Variants in RABGAP1 observed in about 807,000 individuals in gnomAD.
RABGAP1 encodes the protein rab GTPase-activating protein 1.
RABGAP1 carries 23 observed loss-of-function variants against 137.6 expected under a neutral mutation model. The observed-to-expected ratio is 0.17, with a 90% confidence interval of 0.12 to 0.24. The LOEUF (loss-of-function observed/expected upper bound fraction) is 0.24, where lower values mean the gene tolerates loss of function less well. Ranked by LOEUF, RABGAP1 falls within the 10% of genes least tolerant of loss-of-function variation. The pLI is 1.00. For synonymous variants in RABGAP1, 451 were observed against 450.7 expected, an observed-to-expected ratio of 1.00 and a Z score of -0.01; for missense variants, 906 against 1,275.8, an observed-to-expected ratio of 0.71 and a Z score of 4.42.
At chr9:122,945,146 G>GGTTTTTTTTTTTTTTTTT (rs1564348056) in intron 1 of RABGAP1, among the ~76,000 whole-genome samples, 2 of 9,182 alleles carry the variant, frequency 2.2e-4, no homozygotes, top group Non-Finnish European at 1.3e-3. Context: ...CATAGCTGTT[G>GGTTTTTTTTTTTTTTTTT]CTTTTTTTTT....
chr9:122,946,342 C>G (rs1225888375), intron 1 of RABGAP1, among the ~76,000 whole-genome samples: 2 of 152,044 alleles, frequency 1.3e-5, no homozygotes, highest in African/African-American at 4.8e-5. Context: ...CATTTTAGAT[C>G]TGAATGTAAA....
chr9:123,034,483 A>C (rs1247821906), intron 13 of RABGAP1: 17 of 819,574 alleles, frequency 2.1e-5, no homozygotes, highest in African/African-American at 3.4e-5. Context: ...TGCAAAGCTG[A>C]CCGCAATGAC....
At chr9:122,982,002 T>C (rs937892132) in intron 2 of RABGAP1, among the ~76,000 whole-genome samples, 1 of 151,852 alleles carries the variant, frequency 6.6e-6, no homozygotes, top group Non-Finnish European at 1.5e-5. Flanking sequence ...TAAGCCGAGA[T>C]TGTGTTGCTG....
intron 2 of RABGAP1, among the ~76,000 whole-genome samples, chr9:122,961,030 A>G (rs745929213): frequency 3.3e-5 from 5 of 152,180 alleles, no homozygotes; most frequent in Non-Finnish European, 7.3e-5. Context: ...AATATGGGAA[A>G]CTATTAAGTG....
chr9:123,026,405 A>G (rs755112720), intron 13 of RABGAP1, among the ~76,000 whole-genome samples: 1 of 152,164 alleles, frequency 6.6e-6, no homozygotes, highest in Non-Finnish European at 1.5e-5. Context: ...GAATTTTATC[A>G]GCTTTTTCAG....
intron 2 of RABGAP1, among the ~76,000 whole-genome samples, chr9:122,981,921 C>T (rs562977340): frequency 9.9e-5 from 15 of 152,084 alleles, no homozygotes; most frequent in Middle Eastern, 3.4e-3. Context: ...TGTTGGCACG[C>T]GCCTGTGATC....
chr9:122,958,674 T>G (rs1038355561), intron 2 of RABGAP1, among the ~76,000 whole-genome samples: 1 of 152,096 alleles, frequency 6.6e-6, no homozygotes, highest in African/African-American at 2.4e-5. Flanking sequence ...ACATGTACCC[T>G]AGAACCTAAA....
At chr9:123,035,060 T>C (rs962940061) in intron 13 of RABGAP1, 1 of 1,614,140 alleles carries the variant, frequency 6.2e-7, no homozygotes, top group Non-Finnish European at 8.5e-7. Flanking sequence ...CTGCCTTCCT[T>C]TTTCCACTGG....
At chr9:123,035,777 T>C in intron 13 of RABGAP1, 1 of 530,186 alleles carries the variant, frequency 1.9e-6, no homozygotes, top group Non-Finnish European at 3.3e-6. Flanking sequence ...TATGGATACC[T>C]TCTAAGTTTG....
At chr9:122,934,666 C>T in the RABGAP1 span, among the ~76,000 whole-genome samples, 1,224 of 77,376 alleles carry the variant, frequency 0.016, 9 homozygotes, top group Non-Finnish European at 0.024. Context: ...CCACACTTGA[C>T]GCCTTTATTT....
At chr9:123,054,762 T>C (rs1295101428) in intron 13 of RABGAP1, among the ~76,000 whole-genome samples, 1 of 152,218 alleles carries the variant, frequency 6.6e-6, no homozygotes, top group Admixed American at 6.5e-5. Context: ...TTTGACAGTT[T>C]TAAGGAATAC....
chr9:122,973,468 C>T (rs1027604422), intron 2 of RABGAP1, among the ~76,000 whole-genome samples: 5 of 151,908 alleles, frequency 3.3e-5, no homozygotes, highest in Admixed American at 6.5e-5. Context: ...GATCTGACCT[C>T]GTGATCCACC....
chr9:122,964,686 C>T (rs905311355), intron 2 of RABGAP1, among the ~76,000 whole-genome samples: 7 of 152,108 alleles, frequency 4.6e-5, no homozygotes, highest in African/African-American at 1.4e-4. Context: ...CACTCACCAC[C>T]GATCTTCAAC....
chr9:123,076,220 G>T, intron 17 of RABGAP1, 25 bp from the exon 18 acceptor site: 1 of 1,603,988 alleles, frequency 6.2e-7, no homozygotes, highest in South Asian at 1.1e-5. Context: ...AACTGACAGT[G>T]TTCTTTTTGT....
chr9:123,043,763 G>A (rs1319915611), intron 13 of RABGAP1, among the ~76,000 whole-genome samples: 1 of 151,982 alleles, frequency 6.6e-6, no homozygotes. Flanking sequence ...TCAGAAGTAT[G>A]AATTAAAAAC....
At chr9:122,989,990 C>T (rs1001504800) in intron 5 of RABGAP1, 66 bp from the exon 6 acceptor site, 4 of 1,425,138 alleles carry the variant, frequency 2.8e-6, no homozygotes, top group Non-Finnish European at 2.9e-6. Context: ...AGGTAATCTT[C>T]CAGCCTTAAT....
intron 14 of RABGAP1, among the ~76,000 whole-genome samples, chr9:123,069,472 T>C (rs947669500): frequency 6.6e-6 from 1 of 151,946 alleles, no homozygotes; most frequent in Non-Finnish European, 1.5e-5. Context: ...GCTTGGTGGC[T>C]CACGCCTGTA....
At chr9:123,032,911 TAGA>T (rs1230169284) in intron 13 of RABGAP1, among the ~76,000 whole-genome samples, 5 of 152,206 alleles carry the variant, frequency 3.3e-5, no homozygotes, top group African/African-American at 7.2e-5. Context: ...CATGCCTGAG[TAGA>T]AGAAGGTACA....
chr9:123,049,987 C>T (rs2033385106), intron 13 of RABGAP1, among the ~76,000 whole-genome samples: 1 of 152,216 alleles, frequency 6.6e-6, no homozygotes, highest in Admixed American at 6.5e-5. Flanking sequence ...GTGGGAGAGG[C>T]AGTACCCAGA....
Sources: allele counts gnomAD v4.1 joint callset (sites outside exome capture counted in the v4.1 genomes callset), GRCh38; gene constraint gnomAD v4.1.1; transcripts MANE v1.5; gene names NCBI Gene and HGNC (gene_info 2026-07-23, HGNC 2026-07-21).